Variants in GNA12 observed in about 807,000 individuals in gnomAD.
The protein encoded by GNA12 is G protein subunit alpha 12.
A neutral mutation model predicts 26.0 loss-of-function variants in GNA12; 9 were observed. The ratio of observed to expected loss-of-function variants is 0.35; its 90% confidence interval spans 0.21 to 0.60. GNA12 has a LOEUF of 0.60. Ranked by LOEUF, GNA12 falls within the 20% of genes least tolerant of loss-of-function variation. GNA12 has a pLI of 0.78. For synonymous variants in GNA12, 264 were observed against 219.6 expected, an observed-to-expected ratio of 1.20 and a Z score of -1.79; for missense variants, 405 against 525.8, an observed-to-expected ratio of 0.77 and a Z score of 2.25.
chr7:2,814,361 C>G (rs151253462), intron 1 of GNA12: 2 of 1,603,234 alleles, frequency 1.2e-6, no homozygotes, highest in South Asian at 1.1e-5. Flanking sequence ...GCAGCACTTT[C>G]GGTTTCCATC....
chr7:2,814,478 TCAC>T, intron 1 of GNA12: 1 of 847,648 alleles, frequency 1.2e-6, no homozygotes, highest in Non-Finnish European at 2.0e-6. Context: ...TTCTCCAAGC[TCAC>T]AAATAAAATC....
chr7:2,843,709 G>T (rs1779075281), intron 1 of GNA12, 144 bp downstream of exon 1: 1 of 432,540 alleles, frequency 2.3e-6, no homozygotes, highest in African/African-American at 2.1e-5. Context: ...TGGGTCGGGG[G>T]GGAGTGGGGT....
intron 2 of GNA12, among the ~76,000 whole-genome samples, chr7:2,753,849 C>T (rs1421516343): frequency 1.3e-5 from 2 of 152,156 alleles, no homozygotes; most frequent in East Asian, 1.9e-4. Context: ...GGGCAACCTC[C>T]TCTTCTGGTT....
intron 2 of GNA12, among the ~76,000 whole-genome samples, chr7:2,770,023 T>A (rs1475402942): frequency 2.0e-5 from 3 of 152,172 alleles, no homozygotes; most frequent in South Asian, 2.1e-4. Context: ...GAAGTTACAA[T>A]AAAATAGATC....
intron 2 of GNA12, among the ~76,000 whole-genome samples, chr7:2,734,236 G>A (rs972012586): frequency 2.6e-5 from 4 of 152,254 alleles, no homozygotes; most frequent in African/African-American, 4.8e-5. Context: ...GGGAGGAGCC[G>A]GGAGAGCGCA....
At chr7:2,756,605 T>TCACAAA (rs1554257284) in intron 2 of GNA12, among the ~76,000 whole-genome samples, 16 of 151,418 alleles carry the variant, frequency 1.1e-4, no homozygotes, top group African/African-American at 3.6e-4. Flanking sequence ...AGACCCTGTC[T>TCACAAA]CAAACAAACA....
At chr7:2,835,767 C>A (rs541303132) in intron 1 of GNA12, 1 of 751,464 alleles carries the variant, frequency 1.3e-6, no homozygotes, top group Admixed American at 1.9e-5. Flanking sequence ...AACTCCAAAA[C>A]GTAGAAGATG....
chr7:2,743,337 T>TA (rs1790602549), intron 2 of GNA12, among the ~76,000 whole-genome samples: 1 of 152,166 alleles, frequency 6.6e-6, no homozygotes. Context: ...ATTTAAGTCT[T>TA]AAAACGACAT....
At chr7:2,795,941 C>T (rs1011715856) in intron 1 of GNA12, among the ~76,000 whole-genome samples, 1 of 151,926 alleles carries the variant, frequency 6.6e-6, no homozygotes, top group South Asian at 2.1e-4. Context: ...CTGCCTCAGC[C>T]TCCTAAGTAG....
intron 2 of GNA12, among the ~76,000 whole-genome samples, chr7:2,751,233 A>G (rs1319972417): frequency 1.3e-5 from 2 of 151,964 alleles, no homozygotes; most frequent in South Asian, 2.1e-4. Flanking sequence ...AAAAAACCCC[A>G]AAGTTAGCCG....
intron 2 of GNA12, chr7:2,764,964 T>G (rs1791743472): frequency 6.6e-6 from 1 of 152,138 alleles, no homozygotes; most frequent in African/African-American, 2.4e-5. Flanking sequence ...TTTTGTACGG[T>G]GGAAAAGTAA....
intron 1 of GNA12, among the ~76,000 whole-genome samples, chr7:2,833,163 A>G (rs1562450198): frequency 6.6e-6 from 1 of 152,202 alleles, no homozygotes; most frequent in Non-Finnish European, 1.5e-5. Context: ...TCTTTTAAGT[A>G]CAAACAAACC....
intron 1 of GNA12, among the ~76,000 whole-genome samples, chr7:2,831,549 G>A (rs568262610): frequency 5.2e-4 from 79 of 151,726 alleles, no homozygotes; most frequent in Admixed American, 7.2e-4. Context: ...GACTACAGGC[G>A]CCTGCCACCA....
chr7:2,827,056 T>C (rs553237026), intron 1 of GNA12, among the ~76,000 whole-genome samples: 14 of 152,364 alleles, frequency 9.2e-5, no homozygotes, highest in Non-Finnish European at 1.8e-4. Context: ...ATCTGTATTT[T>C]CTGCTCAGTT....
chr7:2,831,051 C>T (rs984259826), intron 1 of GNA12, among the ~76,000 whole-genome samples: 2 of 152,082 alleles, frequency 1.3e-5, no homozygotes, highest in Admixed American at 6.6e-5. Flanking sequence ...TTCTGCAGTA[C>T]CTAGCACATA....
At chr7:2,732,007 C>T (rs933797849) in intron 3 of GNA12, among the ~76,000 whole-genome samples, 1 of 152,160 alleles carries the variant, frequency 6.6e-6, no homozygotes, top group Non-Finnish European at 1.5e-5. Flanking sequence ...GCAGGCCCAG[C>T]GCAAAACCAC....
rs1189281897 is a variant in GNA12, at chr7:2,755,039, C to G, written c.526-21538G>C. On this transcript the variant is annotated intron_variant, in intron 2 of 3. Coordinates refer to ENST00000275364, the MANE Select transcript of GNA12 (RefSeq NM_007353.3). ...AGCACCCTTTGTTGAAAAGGCTCTC[C>G]TTCTTCACTGAGTTGCTTCTGCCCT... 3.3e-5 allele frequency among the ~76,000 whole-genome samples: 5 copies of G among 152,312 alleles called. No homozygotes were observed. The East Asian group carries it at 9.6e-4, about 29-fold the overall frequency.
rs912860980 is a variant in GNA12, at chr7:2,794,021, G to T, written c.525+907C>A. ...GCATCAGACAGCAGTGAAAAGGGAA[G>T]AACCGCTGCTATGTGCCTCGCCTGA... On this transcript the variant is annotated intron_variant, in intron 2 of 3. Coordinates refer to ENST00000275364, the MANE Select transcript of GNA12 (RefSeq NM_007353.3). Among the ~76,000 whole-genome samples the T allele has an allele frequency of 8.5e-5, 13 of 152,256 alleles. No individual in the cohort carries two copies. In the East Asian group the frequency reaches 2.5e-3, roughly 29 times the overall value.
intron 2 of GNA12, among the ~76,000 whole-genome samples, chr7:2,790,976 A>G (rs936827470): frequency 6.8e-6 from 1 of 146,236 alleles, no homozygotes; most frequent in Admixed American, 6.8e-5. Context: ...TGTCCCTTTA[A>G]AAAAAAAAAA....
Sources: allele counts gnomAD v4.1 joint callset (sites outside exome capture counted in the v4.1 genomes callset), GRCh38; gene constraint gnomAD v4.1.1; transcripts MANE v1.5; gene names NCBI Gene and HGNC (gene_info 2026-07-23, HGNC 2026-07-21).